The following SRRM2 variants were observed in gnomAD, a reference collection of about 807,000 sequenced individuals.
SRRM2 encodes serine/arginine repetitive matrix 2.
In SRRM2, 30 loss-of-function variants were observed where a neutral mutation model predicts 213.8. The observed-to-expected ratio is 0.14, with a 90% CI of 0.10 to 0.19. The LOEUF is 0.19. SRRM2 is among the 10% of genes least tolerant of loss of function. The pLI, the probability that SRRM2 is intolerant of heterozygous loss-of-function variation, is 1.00. For missense variants in SRRM2, 4,904 were observed against 3,647.0 expected (o/e 1.34, Z -8.88); for synonymous variants, 2,025 against 1,377.7 (o/e 1.47, Z -10.40).
At chr16:2,756,867 G>C (rs1449688699) in intron 2 of SRRM2, among the ~76,000 whole-genome samples, 1 of 152,104 alleles carries the variant, frequency 6.6e-6, no homozygotes, top group Non-Finnish European at 1.5e-5. Flanking sequence ...GGCCATTGAG[G>C]AACAAAAATG....
Position 2,768,066 on chromosome 16 carries a change from C to G in SRRM2, c.7538C>G (p.Thr2513Ser). Reference protein sequence around the residue: ...HSDVGEPPASTGAQQPSALAA... With the variant: ...HSDVGEPPASSGAQQPSALAA... ...GATGTGGGGGAGCCACCTGCCTCTA[C>G]TGGGGCCCAGCAGCCTTCTGCATTA... The change falls in exon 11 of 15, where the codon ACT becomes AGT. Residue 2513 changes from threonine (T) to serine (S), a missense_variant. Coordinates refer to ENST00000301740, the MANE Select transcript of SRRM2 (RefSeq NM_016333.4). 1 of 1,614,166 alleles carries G rather than the reference C, an allele frequency of 6.2e-7. No homozygotes were observed. The highest frequency in any genetic ancestry group is 8.5e-7 in the Non-Finnish European group (1 of 1,180,004).
rs370570321 is a variant in SRRM2 at position 2,766,858 on chromosome 16, C to G, written c.6330C>G (p.Asn2110Lys). Residue 2110 changes from asparagine (N) to lysine (K), a missense_variant, in exon 11 of 15, where the codon AAC becomes AAG. By Grantham distance (94) the Asn-to-Lys change is moderately conservative (BLOSUM62 0). Transcript: ENST00000301740. This position sits in a 1 kb window ranked among gnomAD's most constrained non-coding sequence, Gnocchi z 7.0. ...SGSRTPPVAL[N>K]SSRMSCFSRP... ...CACGGACACCTCCAGTAGCACTCAA[C>G]AGTTCCAGAATGAGCTGCTTCAGTC... The G allele has an allele frequency of 6.4e-5, 104 of 1,614,082 alleles. No homozygotes were observed. The highest frequency in any genetic ancestry group is 8.7e-5 in the Non-Finnish European group (103 of 1,180,042).
chr16:2,760,350 A>G lies in SRRM2; in HGVS notation c.883A>G (p.Ser295Gly). The G allele has an allele frequency of 6.2e-7, 1 of 1,614,020 alleles. No individual in the cohort carries two copies. Among genetic ancestry groups the G allele is most frequent in the Non-Finnish European group, 8.5e-7 (1 of 1,180,024 alleles). ...TCATACAACTGCCTTGGCTGGGCGA[A>G]GTCCTTCCCCTGCTTCAGGGCGACG... The part of the protein sequence containing the change: ...KTHTTALAGR[S>G]PSPASGRRGE... Residue 295 changes from serine (S) to glycine (G), a missense_variant, in exon 10 of 15, where the codon AGT becomes GGT. Physicochemically the swap from Ser to Gly is moderately conservative, Grantham distance 56. Transcript: ENST00000301740.
Position 2,766,870 on chromosome 16 carries a change from G to T in SRRM2, c.6342G>T (p.Met2114Ile). ...TPPVALNSSR[M>I]SCFSRPSMSP... ...CAGTAGCACTCAACAGTTCCAGAAT[G>T]AGCTGCTTCAGTCGTCCTAGCATGT... is the stretch of plus-strand genomic sequence containing the variant. The change falls in exon 11 of 15, where the codon ATG becomes ATT. Residue 2114 changes from methionine (M) to isoleucine (I), a missense_variant. Transcript: ENST00000301740. The surrounding 1 kb of genome is among the most constrained non-coding windows in gnomAD (Gnocchi z 7.0). 1 of 1,614,166 alleles carries T rather than the reference G, an allele frequency of 6.2e-7. No individual in the cohort carries two copies. The highest frequency in any genetic ancestry group is 1.3e-5 in the African/African-American group (1 of 75,042).
Position 2,762,087 on chromosome 16 carries a change from A to G in SRRM2, c.1559A>G (p.Gln520Arg). The G allele has an allele frequency of 6.2e-7, 1 of 1,614,204 alleles. No homozygotes were observed. Among genetic ancestry groups the G allele is most frequent in the Non-Finnish European group, 8.5e-7 (1 of 1,180,022 alleles). The change falls in exon 11 of 15, where the codon CAG becomes CGG. Residue 520 changes from glutamine to arginine, a missense_variant. Transcript: ENST00000301740. ...CAGTGGCGTAGGTCCAGGTCTGCAC[A>G]GAGGTGGGGAAGATCTAGAAGCCCC... ...SPQWRRSRSA[Q>R]RWGRSRSPQR...
chr16:2,767,148 G>A lies in SRRM2; in HGVS notation c.6620G>A (p.Arg2207Lys), dbSNP rs1191979751. ...PSMSAAGLAA[R>K]MSQVPAPVPL... The stretch of plus-strand genomic sequence containing the variant: ...ATGTCTGCTGCTGGCCTTGCTGCAA[G>A]AATGTCCCAGGTTCCAGCCCCGGTG... Residue 2207 changes from arginine to lysine, a missense_variant, in exon 11 of 15, where the codon AGA becomes AAA. Arg to Lys is a conservative substitution (Grantham distance 26). Transcript: ENST00000301740. 1 of 1,614,082 alleles carries A rather than the reference G, an allele frequency of 6.2e-7. No individual in the cohort carries two copies. The highest frequency in any genetic ancestry group is 1.3e-5 in the African/African-American group (1 of 74,924).
chr16:2,752,981 C>T (rs914115799), intron 1 of SRRM2, 135 bp downstream of exon 1: 12 of 152,994 alleles, frequency 7.8e-5, no homozygotes, highest in African/African-American at 2.4e-4. Flanking sequence ...TTCGCTGGCG[C>T]GGACGCCCTC....
intron 1 of SRRM2, among the ~76,000 whole-genome samples, chr16:2,753,992 CGGAT>C (rs1194606685): frequency 6.6e-6 from 1 of 152,162 alleles, no homozygotes; most frequent in South Asian, 2.1e-4. Flanking sequence ...GCTTACCACT[CGGAT>C]AATTTCCCAA....
chr16:2,754,344 G>A lies in SRRM2; in HGVS notation c.-32+1498G>A, dbSNP rs1168120118. 2.6e-5 allele frequency among the ~76,000 whole-genome samples: 4 copies of A among 151,754 alleles called. 1 individual carries two copies. The highest frequency in any genetic ancestry group is 4.2e-4 in the South Asian group (2 of 4,794). On this transcript the variant is annotated intron_variant, in intron 1 of 14. Transcript: ENST00000301740. ...AGTCTAGCTCTGTTGGCAGGCCGGA[G>A]TGCAGTGGCGCGATCTCGGCTCACT...
At position 2,767,498 on chromosome 16, in the gene SRRM2, C is replaced by G. The variant is rs61747731; in HGVS notation, c.6970C>G (p.Pro2324Ala). ...CACACCACCAACTGCTGCAAACTAT[C>G]CCTCCAGCTCCAGAACACCACAGGC... ...SGTPPTAANY[P>A]SSSRTPQAPA... The change falls in exon 11 of 15, where the codon CCC becomes GCC. Residue 2324 changes from proline to alanine, a missense_variant. Physicochemically the swap from Pro to Ala is conservative, Grantham distance 27 (BLOSUM62 -1). Transcript: ENST00000301740. The G allele has an allele frequency of 5.5e-5, 89 of 1,614,084 alleles. 2 individuals are homozygous for G. In the South Asian group the frequency reaches 8.9e-4, roughly 16 times the overall value.
At chr16:2,761,209 A>T (rs145147003) in intron 10 of SRRM2, among the ~76,000 whole-genome samples, 1 of 152,352 alleles carries the variant, frequency 6.6e-6, no homozygotes, top group African/African-American at 2.4e-5. Context: ...TAATAGAGTT[A>T]TTCTTCAAAG....
Position 2,766,440 on chromosome 16 carries a change from G to A in SRRM2, c.5912G>A (p.Arg1971Gln), listed in dbSNP as rs147093378. The change falls in exon 11 of 15, where the codon CGA becomes CAA. Residue 1971 changes from arginine (R) to glutamine (Q), a missense_variant. Arg to Gln is a conservative substitution (Grantham distance 43). Coordinates refer to ENST00000301740, the MANE Select transcript of SRRM2 (RefSeq NM_016333.4). This position sits in a 1 kb window ranked among gnomAD's most constrained non-coding sequence, Gnocchi z 7.0. ...RTPPVTRRRS[R>Q]SRTSPITRRR... ...CCACCAGTAACCAGGAGGCGATCTC[G>A]AAGCAGAACTTCGCCTATCACTCGC... 2.6e-4 allele frequency: 424 copies of A among 1,614,022 alleles called. No individual in the cohort carries two copies. The highest frequency in any genetic ancestry group is 3.2e-4 in the Non-Finnish European group (374 of 1,180,010).
chr16:2,765,328 C>G lies in SRRM2; in HGVS notation c.4800C>G (p.Ser1600=). ...CCCCTCGGCGCAGTAGGTCTGGTTC[C>G]TCCCCTGAAGTGAAAGATAAGCCAA... ...RLSPRRSRSG[S]SPEVKDKPRA... is the part of the protein sequence containing the mutation. Residue 1600 remains serine (S), a synonymous_variant, in exon 11 of 15, where the codon TCC becomes TCG. Transcript: ENST00000301740. The G allele has an allele frequency of 6.2e-7, 1 of 1,614,154 alleles. No individual in the cohort carries two copies. Among genetic ancestry groups the G allele is most frequent in the Non-Finnish European group, 8.5e-7 (1 of 1,180,032 alleles).
Position 2,766,229 on chromosome 16 carries a change from A to G in SRRM2, c.5701A>G (p.Arg1901Gly). Residue 1901 changes from arginine to glycine, a missense_variant, in exon 11 of 15, where the codon AGG becomes GGG. Transcript: ENST00000301740. The surrounding 1 kb of genome is among the most constrained non-coding windows in gnomAD (Gnocchi z 7.0). ...RTSPVSRRRS[R>G]SRTSVTRRRS... ...TTCACCAGTCAGCCGGAGACGGTCAAGGTCCAGGACTTCAGTGACTCGACG... is the reference window on the plus strand; with the variant it reads ...TTCACCAGTCAGCCGGAGACGGTCAGGGTCCAGGACTTCAGTGACTCGACG... 6.2e-7 allele frequency: 1 copy of G among 1,614,166 alleles called. No homozygotes were observed. Among genetic ancestry groups the G allele is most frequent in the Non-Finnish European group, 8.5e-7 (1 of 1,180,024 alleles).
At chr16:2,754,326 C>G (rs1326248325) in intron 1 of SRRM2, among the ~76,000 whole-genome samples, 1 of 151,202 alleles carries the variant, frequency 6.6e-6, no homozygotes, top group Admixed American at 6.6e-5. Context: ...CGGAGTCTAG[C>G]TCTGTTGGCA....
intron 10 of SRRM2, 114 bp downstream of exon 10, chr16:2,760,613 T>C (rs978368692): frequency 4.1e-6 from 5 of 1,232,010 alleles, no homozygotes; most frequent in African/African-American, 1.5e-5. Flanking sequence ...TTCAGTTTTT[T>C]TTCCTGCATT....
Position 2,756,455 on chromosome 16 carries a change from G to A in SRRM2, c.91G>A (p.Gly31Ser). 1 of 1,613,438 alleles carries A rather than the reference G, an allele frequency of 6.2e-7. No individual in the cohort carries two copies. The highest frequency in any genetic ancestry group is 8.5e-7 in the Non-Finnish European group (1 of 1,179,740). Residue 31 changes from glycine to serine, a missense_variant, in exon 2 of 15, where the codon GGT becomes AGT. Coordinates refer to ENST00000301740, the MANE Select transcript of SRRM2 (RefSeq NM_016333.4). ...CCTGTCCCTGGTGCGGGGCCGCCGG[G>A]GTGAGCGGCCTGACTACAAGGGAGA... The part of the protein sequence containing the change: ...RNLSLVRGRR[G>S]ERPDYKGEEE...
chr16:2,759,589 C>G lies in SRRM2; in HGVS notation c.761C>G (p.Ala254Gly). ...TTCAGGTCTCGAAGTACAACACCAG[C>G]CCCCAAGAGCCGCCGGGCCCACCGT... ...KRKRSRSTTP[A>G]PKSRRAHRST... The change falls in exon 9 of 15, where the codon GCC (alanine) becomes GGC (glycine). Residue 254 changes from alanine (A) to glycine (G), a missense_variant. Transcript: ENST00000301740. 1.9e-6 allele frequency: 3 copies of G among 1,614,078 alleles called. No homozygotes were observed. Among genetic ancestry groups the G allele is most frequent in the Non-Finnish European group, 2.5e-6 (3 of 1,180,010 alleles).
At position 2,767,951 on chromosome 16, in the gene SRRM2, C is replaced by T. The variant is rs149851037; in HGVS notation, c.7423C>T (p.Leu2475Phe). 3 of 1,614,212 alleles carry T rather than the reference C, an allele frequency of 1.9e-6. No homozygotes were observed. The highest frequency in any genetic ancestry group is 2.5e-6 in the Non-Finnish European group (3 of 1,180,044). ...QTTPVAGSQS[L>F]SSGAVATTTS... ...CACCCCTGTAGCAGGGTCTCAGTCC[C>T]TTTCCTCTGGGGCAGTGGCAACGAC... Residue 2475 changes from leucine to phenylalanine, a missense_variant, in exon 11 of 15, where the codon CTT (leucine) becomes TTT (phenylalanine). Leu to Phe is a conservative substitution (Grantham distance 22). Transcript: ENST00000301740.
Sources: allele counts gnomAD v4.1 joint callset (sites outside exome capture counted in the v4.1 genomes callset), GRCh38; gene constraint gnomAD v4.1.1; non-coding constraint Gnocchi (gnomAD v3.1); transcripts MANE v1.5; gene names NCBI Gene and HGNC (gene_info 2026-07-23, HGNC 2026-07-21).